OSTN: variants seen among roughly 807,000 people sequenced by gnomAD.
OSTN encodes the protein osteocrin.
OSTN carries 9 observed loss-of-function variants against 12.0 expected under a neutral mutation model. That is an observed-to-expected ratio of 0.75 (90% CI 0.45 to 1.30). The LOEUF is 1.30. Among genes scored for constraint, OSTN ranks in the 50% most tolerant of loss-of-function variants. OSTN has a pLI of 0.00. For missense variants in OSTN, 148 were observed against 152.3 expected, an observed-to-expected ratio of 0.97 and a Z score of 0.15; for synonymous variants, 59 against 56.9, an observed-to-expected ratio of 1.04 and a Z score of -0.16.
At chr3:191,254,425 A>C (rs925676822) in intron 4 of OSTN, among the ~76,000 whole-genome samples, 2 of 152,236 alleles carry the variant, frequency 1.3e-5, no homozygotes, top group Non-Finnish European at 2.9e-5. Flanking sequence ...TCAAAATTTA[A>C]ATTGTCTAAC....
chr3:191,207,593 A>G (rs541557949), intron 1 of OSTN, among the ~76,000 whole-genome samples: 9 of 152,222 alleles, frequency 5.9e-5, no homozygotes, highest in African/African-American at 1.9e-4. Context: ...CCCAGCCCAC[A>G]TGAGAGACTT....
chr3:191,260,803 G>A (rs1715791507), intron 4 of OSTN, among the ~76,000 whole-genome samples: 1 of 152,038 alleles, frequency 6.6e-6, no homozygotes, highest in Non-Finnish European at 1.5e-5. Context: ...ACTTTATTTG[G>A]TATCCCTCTT....
At chr3:191,215,606 A>G (rs1369508503) in intron 2 of OSTN, among the ~76,000 whole-genome samples, 1 of 152,220 alleles carries the variant, frequency 6.6e-6, no homozygotes, top group Non-Finnish European at 1.5e-5. Flanking sequence ...AATGGGAGAA[A>G]TTGCCCAAAA....
At chr3:191,213,803 A>T (rs759980521) in intron 2 of OSTN, among the ~76,000 whole-genome samples, 4 of 152,074 alleles carry the variant, frequency 2.6e-5, no homozygotes, top group Non-Finnish European at 5.9e-5. Context: ...TCTTAAAAAA[A>T]CGATTGTGTA....
chr3:191,201,531 A>G (rs1027489157), intron 1 of OSTN, among the ~76,000 whole-genome samples: 1 of 152,216 alleles, frequency 6.6e-6, no homozygotes. Context: ...AGCTAGAAGA[A>G]TAATGATGCC....
Position 191,213,985 on chromosome 3 carries a change from A to G in OSTN, c.102+1351A>G, listed in dbSNP as rs76986023. 1.1e-3 allele frequency among the ~76,000 whole-genome samples: 175 copies of G among 152,292 alleles called. 2 individuals are homozygous for G. Among genetic ancestry groups the G allele is most frequent in the African/African-American group, 4.0e-3 (166 of 41,570 alleles). Reference sequence around the variant, plus strand: ...CTTATATAAGGAAGTGACAGAAGCTAAGATCTGAGGAATAGTTTGAAACCA... The same window carrying G: ...CTTATATAAGGAAGTGACAGAAGCTGAGATCTGAGGAATAGTTTGAAACCA... On this transcript the variant is annotated intron_variant, in intron 2 of 4. Transcript: ENST00000682035.
At chr3:191,202,727 G>A (rs6773834) in intron 1 of OSTN, among the ~76,000 whole-genome samples, 60,839 of 151,894 alleles carry the variant, frequency 0.4, 12,870 homozygotes, top group African/African-American at 0.54. Context: ...TTAATGCTGC[G>A]TAAAAAGTTG....
chr3:191,200,995 C>A (rs1714139460), intron 1 of OSTN, among the ~76,000 whole-genome samples: 1 of 152,166 alleles, frequency 6.6e-6, no homozygotes, highest in Non-Finnish European at 1.5e-5. Context: ...TGTGGGGATA[C>A]AACAAGTAAG....
chr3:191,221,247 G>T (rs1560116628), intron 3 of OSTN, among the ~76,000 whole-genome samples: 1 of 151,840 alleles, frequency 6.6e-6, no homozygotes, highest in African/African-American at 2.4e-5. Context: ...AAATTTCCCA[G>T]TCTCAGGTAT....
At chr3:191,225,595 C>G (rs1489986585) in intron 3 of OSTN, among the ~76,000 whole-genome samples, 1 of 151,852 alleles carries the variant, frequency 6.6e-6, no homozygotes, top group Non-Finnish European at 1.5e-5. Context: ...TAATGGTGGA[C>G]TGGATAAAGA....
At chr3:191,227,088 A>G (rs151094402) in intron 3 of OSTN, among the ~76,000 whole-genome samples, 142 of 152,262 alleles carry the variant, frequency 9.3e-4, no homozygotes, top group African/African-American at 3.1e-3. Flanking sequence ...AACTGGAAAA[A>G]ATGTTTATGA....
chr3:191,215,966 C>A (rs1241486218), intron 2 of OSTN, among the ~76,000 whole-genome samples: 4 of 152,188 alleles, frequency 2.6e-5, no homozygotes, highest in African/African-American at 9.6e-5. Context: ...GGGCTCCGAC[C>A]CCACATTTCT....
At chr3:191,258,085 C>A (rs748397606) in intron 4 of OSTN, among the ~76,000 whole-genome samples, 2 of 152,094 alleles carry the variant, frequency 1.3e-5, no homozygotes, top group African/African-American at 2.4e-5. Context: ...CTGGAGTACC[C>A]CTTCTGAGTT....
intron 3 of OSTN, 89 bp from the exon 4 acceptor site, chr3:191,249,948 A>G: frequency 1.1e-6 from 1 of 935,178 alleles, no homozygotes; most frequent in Non-Finnish European, 1.7e-6. Context: ...TCCCAAAGAA[A>G]GCCCCCAGAG....
rs147859265 is a variant in OSTN at position 191,200,355 on chromosome 3, G to T, written c.-1+1048G>T. Among the ~76,000 whole-genome samples, 173 of 152,140 alleles carry T rather than the reference G, an allele frequency of 1.1e-3. 7 individuals carry two copies. The East Asian group carries it at 0.031, about 27-fold the overall frequency. On this transcript the variant is annotated intron_variant, in intron 1 of 4. Transcript: ENST00000682035. ...TTGCTTTCTCCCCCTTATTTCTCAG[G>T]ATTTTTAACTGATTCTTATATACTG...
At chr3:191,214,791 T>A (rs973533458) in intron 2 of OSTN, among the ~76,000 whole-genome samples, 6 of 152,156 alleles carry the variant, frequency 3.9e-5, no homozygotes, top group African/African-American at 1.4e-4. Context: ...GGTAGGTGGA[T>A]CACTTGAGGT....
rs1251147897 is a variant in OSTN, at chr3:191,199,312, G to A, written c.-1+5G>A. The A allele has an allele frequency of 1.3e-5, 2 of 152,044 alleles. No individual in the cohort carries two copies. The highest frequency in any genetic ancestry group is 2.9e-5 in the Non-Finnish European group (2 of 67,962). 9.4% of individuals were successfully genotyped at this position (152,044 alleles called of 1,614,324 possible). A position where few individuals can be genotyped will look rare whatever the true frequency, so the allele number is the denominator to read the frequency against. ...AATCTCCTGATCTTTCACGAGGTAA[G>A]TTATATGTAAAAATTGATAAAGATT... On this transcript the variant is annotated splice_donor_5th_base_variant and intron_variant, in intron 1 of 4. Transcript: ENST00000682035.
rs1715276865 is a variant in OSTN, at chr3:191,239,635, A to C, written c.318-10402A>C. Reference sequence around the variant, plus strand: ...AGAATCTGTTGAAAAGTGAATTATCACTTTTGAGACAGAATCCTAGAAGTC... The same window carrying C: ...AGAATCTGTTGAAAAGTGAATTATCCCTTTTGAGACAGAATCCTAGAAGTC... On this transcript the variant is annotated intron_variant, in intron 3 of 4. Coordinates refer to ENST00000682035, the MANE Select transcript of OSTN (RefSeq NM_198184.2). Among the ~76,000 whole-genome samples, 2 of 152,234 alleles carry C rather than the reference A, an allele frequency of 1.3e-5. 1 individual carries two copies. Among genetic ancestry groups the C allele is most frequent in the Non-Finnish European group, 2.9e-5 (2 of 68,030 alleles).
At chr3:191,212,425 G>T in intron 1 of OSTN, 108 bp from the exon 2 acceptor site, 1 of 452,932 alleles carries the variant, frequency 2.2e-6, no homozygotes, top group African/African-American at 2.0e-5. Context: ...TACTGAAGCC[G>T]AATAATTTGG....
Sources: allele counts gnomAD v4.1 joint callset (sites outside exome capture counted in the v4.1 genomes callset), GRCh38; gene constraint gnomAD v4.1.1; transcripts MANE v1.5; gene names NCBI Gene and HGNC (gene_info 2026-07-23, HGNC 2026-07-21).